The following PPM1B variants were observed in gnomAD, a reference collection of about 807,000 sequenced individuals.
The protein encoded by PPM1B is protein phosphatase, Mg2+/Mn2+ dependent 1B, also known as protein phosphatase 1B.
A neutral mutation model predicts 43.0 loss-of-function variants in PPM1B; 22 were observed. The observed-to-expected ratio is 0.51, with a 90% confidence interval of 0.37 to 0.73. PPM1B has a LOEUF of 0.73. PPM1B is among the 30% of genes least tolerant of loss of function. PPM1B has a pLI of 0.00. For synonymous variants in PPM1B, 217 were observed against 197.9 expected (o/e 1.10, Z -0.81); for missense variants, 632 against 584.2 (o/e 1.08, Z -0.84).
At chr2:44,178,397 C>G (rs1215622233) in intron 1 of PPM1B, among the ~76,000 whole-genome samples, 1 of 149,952 alleles carries the variant, frequency 6.7e-6, no homozygotes, top group African/African-American at 2.4e-5. Context: ...TTCCAAAATT[C>G]TCTCCAATGT....
At chr2:44,226,735 CTT>C (rs60750702) in intron 5 of PPM1B, among the ~76,000 whole-genome samples, 29,565 of 67,668 alleles carry the variant, frequency 0.44, 2,160 homozygotes, top group South Asian at 0.55. Context: ...AGGTTTTTAT[CTT>C]TTTTTTTTTT....
chr2:44,206,610 T>C (rs991464945), intron 2 of PPM1B, among the ~76,000 whole-genome samples: 2 of 152,246 alleles, frequency 1.3e-5, no homozygotes, highest in Non-Finnish European at 2.9e-5. Flanking sequence ...ACAATGCTCA[T>C]GTTGTTGTTA....
chr2:44,198,184 G>A (rs1157297122), intron 1 of PPM1B, among the ~76,000 whole-genome samples: 4 of 152,046 alleles, frequency 2.6e-5, no homozygotes, highest in African/African-American at 9.7e-5. Context: ...TTTTTGAGAC[G>A]GAGTCTTGCT....
intron 5 of PPM1B, among the ~76,000 whole-genome samples, chr2:44,226,553 A>C (rs1333348903): frequency 6.6e-6 from 1 of 152,142 alleles, no homozygotes; most frequent in Admixed American, 6.5e-5. Context: ...TTAAAAGAAC[A>C]ACCCAAATCC....
At chr2:44,244,169 T>C in intron 5 of PPM1B, 1 of 900,118 alleles carries the variant, frequency 1.1e-6, no homozygotes, top group South Asian at 3.2e-5. Context: ...ACCCCAATCC[T>C]GCAAGAAAAA....
chr2:44,169,101 G>A lies in PPM1B; in HGVS notation c.-188G>A. 1.7e-5 allele frequency: 3 copies of A among 181,056 alleles called. No individual in the cohort carries two copies. The highest frequency in any genetic ancestry group is 1.8e-4 in the East Asian group (1 of 5,712). The allele number at this position is 181,056 out of a possible 1,614,324, so 11.2% of individuals were successfully genotyped here. ...AGGGTGGAGAGAAGGCGGCATCGGCGGCGGCGGCGGCGTGAGGGGCCGGGC... is the reference window on the plus strand; with the variant it reads ...AGGGTGGAGAGAAGGCGGCATCGGCAGCGGCGGCGGCGTGAGGGGCCGGGC... On this transcript the variant is annotated 5_prime_UTR_variant, in exon 1 of 6. Transcript: ENST00000282412.
intron 5 of PPM1B, among the ~76,000 whole-genome samples, chr2:44,227,205 G>A (rs1191823424): frequency 1.3e-5 from 2 of 152,032 alleles, no homozygotes; most frequent in Non-Finnish European, 2.9e-5. Context: ...AAACTCCTGG[G>A]CTCAAGTGAT....
chr2:44,169,906 C>T (rs892816336), intron 1 of PPM1B, among the ~76,000 whole-genome samples: 1 of 152,032 alleles, frequency 6.6e-6, no homozygotes, highest in Non-Finnish European at 1.5e-5. Context: ...GAAACTGCCA[C>T]TTATTGTCAG....
chr2:44,218,005 C>G lies in PPM1B; in HGVS notation c.1003C>G (p.Leu335Val), dbSNP rs900765195. 6.2e-7 allele frequency: 1 copy of G among 1,609,010 alleles called. No individual in the cohort carries two copies. Among genetic ancestry groups the G allele is most frequent in the Admixed American group, 1.7e-5 (1 of 58,482 alleles). Residue 335 changes from leucine (L) to valine (V), a missense_variant, in exon 4 of 6, where the codon CTT becomes GTT. Physicochemically the swap from Leu to Val is conservative, Grantham distance 32. Coordinates refer to ENST00000282412, the MANE Select transcript of PPM1B (RefSeq NM_002706.6). ...GTCTGGCGAGGAAGGAATGCCTGAT[C>G]TTGCCCATGTCATGCGCATCTTGTC... ...EKSGEEGMPD[L>V]AHVMRILSAE...
At chr2:44,177,791 T>A (rs1468597248) in intron 1 of PPM1B, among the ~76,000 whole-genome samples, 1 of 152,058 alleles carries the variant, frequency 6.6e-6, no homozygotes, top group African/African-American at 2.4e-5. Context: ...TACAGAATTT[T>A]TTTTTTTTTT....
At chr2:44,242,181 A>C (rs1572770396) in intron 5 of PPM1B, among the ~76,000 whole-genome samples, 1 of 152,198 alleles carries the variant, frequency 6.6e-6, no homozygotes, top group African/African-American at 2.4e-5. Context: ...AAATGTTAAC[A>C]AAACATTATT....
At chr2:44,221,903 G>A (rs1228062694) in intron 5 of PPM1B, among the ~76,000 whole-genome samples, 2 of 151,870 alleles carry the variant, frequency 1.3e-5, no homozygotes, top group African/African-American at 4.8e-5. Flanking sequence ...TTGTTTTTTA[G>A]TATGTGTTCC....
downstream of PPM1B, among the ~76,000 whole-genome samples, chr2:44,239,179 C>CAAAAAAAAAAAAA (rs1193340508): frequency 3.3e-5 from 3 of 89,636 alleles, no homozygotes; most frequent in Non-Finnish European, 4.6e-5. Context: ...GTCTCTAATA[C>CAAAAAAAAAAAAA]AAAAAAAAAA....
chr2:44,203,311 A>G (rs1268951303), intron 2 of PPM1B, among the ~76,000 whole-genome samples: 1 of 152,114 alleles, frequency 6.6e-6, no homozygotes, highest in East Asian at 1.9e-4. Context: ...TTAAGTAAAG[A>G]AGTATTGATG....
chr2:44,180,434 TCAG>T (rs1572686774), intron 1 of PPM1B, among the ~76,000 whole-genome samples: 1 of 152,168 alleles, frequency 6.6e-6, no homozygotes, highest in East Asian at 1.9e-4. Flanking sequence ...TTTAAATGAA[TCAG>T]CAGAAATAAA....
chr2:44,235,806 G>A (rs770163060), downstream of PPM1B, among the ~76,000 whole-genome samples: 1 of 151,984 alleles, frequency 6.6e-6, no homozygotes, highest in Non-Finnish European at 1.5e-5. Context: ...AACTGAGGCA[G>A]GAGGATTGCT....
At chr2:44,209,447 T>A in intron 3 of PPM1B, 120 bp downstream of exon 3, 6 of 1,085,850 alleles carry the variant, frequency 5.5e-6, no homozygotes, top group South Asian at 1.7e-5. Context: ...AAAAAAAATT[T>A]AGAGAGGGAA....
At position 44,209,200 on chromosome 2, in the gene PPM1B, T is replaced by C. The variant is rs746231122; in HGVS notation, c.847-10T>C. The C allele has an allele frequency of 6.4e-7, 1 of 1,561,028 alleles. No homozygotes were observed. Among genetic ancestry groups the C allele is most frequent in the Non-Finnish European group, 8.7e-7 (1 of 1,155,822 alleles). ...TACAATTTTTTTTCTTTTTTTTCTT[T>C]AATACACAGGGAAGTCGAGATAACA... On this transcript the variant is annotated splice_polypyrimidine_tract_variant and intron_variant, in intron 2 of 5. Coordinates refer to ENST00000282412, the MANE Select transcript of PPM1B (RefSeq NM_002706.6).
At chr2:44,235,911 T>C (rs1670594827), downstream of PPM1B, among the ~76,000 whole-genome samples, 1 of 151,716 alleles carries the variant, frequency 6.6e-6, no homozygotes, top group African/African-American at 2.4e-5. Flanking sequence ...TTTAAATATA[T>C]GTCTCTTTTA....
Sources: gnomAD v4.1 joint callset for allele counts (sites outside exome capture counted in the v4.1 genomes callset) on GRCh38, gnomAD v4.1.1 for gene constraint, MANE v1.5 for transcripts, NCBI Gene and HGNC (gene_info 2026-07-23, HGNC 2026-07-21) for gene names.